Variants in ZC2HC1B observed in about 807,000 individuals in gnomAD.
The protein encoded by ZC2HC1B is zinc finger C2HC domain-containing protein 1B.
ZC2HC1B carries 36 observed loss-of-function variants against 31.0 expected under a neutral mutation model. The observed-to-expected ratio is 1.16, with a 90% CI of 0.89 to 1.54. The LOEUF is 1.54. ZC2HC1B is among the 40% of genes most tolerant of loss of function. ZC2HC1B has a pLI of 0.00. For synonymous variants in ZC2HC1B, 73 were observed against 88.0 expected (o/e 0.83, Z 0.95); for missense variants, 260 against 268.6 (o/e 0.97, Z 0.22).
chr6:143,893,812 A>G (rs1201075161), intron 4 of ZC2HC1B, among the ~76,000 whole-genome samples: 1 of 151,752 alleles, frequency 6.6e-6, no homozygotes, highest in Non-Finnish European at 1.5e-5. Context: ...TCAGCCTCCC[A>G]AGTAGCTGGG....
rs1777491263 is a variant in ZC2HC1B at position 143,883,286 on chromosome 6, G to A, written c.29-1018G>A. ...ATCCTTAGGCTCAAGCAATCCTCCT[G>A]CTTCAGCCTCCCATAGTGTTGGGAT... On this transcript the variant is annotated intron_variant, in intron 1 of 7. Transcript: ENST00000237275. The surrounding 1 kb of genome is among the most constrained non-coding windows in gnomAD (Gnocchi z 4.1). 2.0e-5 allele frequency among the ~76,000 whole-genome samples: 3 copies of A among 152,134 alleles called. No homozygotes were observed. The highest frequency in any genetic ancestry group is 4.4e-5 in the Non-Finnish European group (3 of 68,024).
rs1318786592 is a variant in ZC2HC1B, at chr6:143,913,687, C to A, written c.598+10535C>A. On this transcript the variant is annotated intron_variant, in intron 6 of 7. Transcript: ENST00000237275. This position sits in a 1 kb window ranked among gnomAD's most constrained non-coding sequence, Gnocchi z 5.7. ...AGATCCAAGGCTCTGGTGGCATAGG[C>A]TCACAAGGGGATCTCCTGATCCACA... 6.6e-6 allele frequency among the ~76,000 whole-genome samples: 1 copy of A among 152,202 alleles called. No homozygotes were observed. The highest frequency in any genetic ancestry group is 2.4e-5 in the African/African-American group (1 of 41,450).
rs1158321740 is a variant in ZC2HC1B, at chr6:143,885,591, A to G, written c.91-441A>G. Among the ~76,000 whole-genome samples the G allele has an allele frequency of 6.6e-6, 1 of 152,204 alleles. No individual in the cohort carries two copies. Among genetic ancestry groups the G allele is most frequent in the Non-Finnish European group, 1.5e-5 (1 of 68,028 alleles). On this transcript the variant is annotated intron_variant, in intron 2 of 7. Coordinates refer to ENST00000237275, the MANE Select transcript of ZC2HC1B (RefSeq NM_001013623.3). This position sits in a 1 kb window ranked among gnomAD's most constrained non-coding sequence, Gnocchi z 4.2. ...CAAAGCTACTGTGTCAATGATGGTTATTATGTGTCACACATCCACGAAGGG... is the reference window on the plus strand; with the variant it reads ...CAAAGCTACTGTGTCAATGATGGTTGTTATGTGTCACACATCCACGAAGGG...
At chr6:143,880,747 C>CA (rs1011069441) in intron 1 of ZC2HC1B, among the ~76,000 whole-genome samples, 39 of 145,410 alleles carry the variant, frequency 2.7e-4, no homozygotes, top group Admixed American at 5.5e-4. Context: ...ACTTTATTTA[C>CA]AAAAAAAAAA....
rs1411511431 is a variant in ZC2HC1B, at chr6:143,921,309, A to G, written c.599-16340A>G. 1.3e-5 allele frequency among the ~76,000 whole-genome samples: 2 copies of G among 152,220 alleles called. No homozygotes were observed. The highest frequency in any genetic ancestry group is 4.8e-5 in the African/African-American group (2 of 41,462). ...TATCACCATCTAATATTCAATATATATTTAACTCATTCGTCTCTCATGTAC... is the reference window on the plus strand; with the variant it reads ...TATCACCATCTAATATTCAATATATGTTTAACTCATTCGTCTCTCATGTAC... On this transcript the variant is annotated intron_variant, in intron 6 of 7. Transcript: ENST00000237275. The surrounding 1 kb of genome is among the most constrained non-coding windows in gnomAD (Gnocchi z 6.1).
intron 6 of ZC2HC1B, among the ~76,000 whole-genome samples, chr6:143,936,964 T>C (rs1778186296): frequency 6.6e-6 from 1 of 152,186 alleles, no homozygotes; most frequent in African/African-American, 2.4e-5. Flanking sequence ...TGATTCACAA[T>C]TTCCTTGTTA....
chr6:143,887,615 TA>T lies in ZC2HC1B; in HGVS notation c.349+795del, dbSNP rs1777545573. 6.6e-6 allele frequency among the ~76,000 whole-genome samples: 1 copy of T among 152,138 alleles called. No homozygotes were observed. The highest frequency in any genetic ancestry group is 2.1e-4 in the South Asian group (1 of 4,828). The stretch of plus-strand genomic sequence containing the variant: ...TACCTTTTGTTATCTCTTCGGTCTT[TA>T]TTAAATCTTGAACAATATCCCTACC... On this transcript the variant is annotated intron_variant, in intron 4 of 7. Transcript: ENST00000237275. This position sits in a 1 kb window ranked among gnomAD's most constrained non-coding sequence, Gnocchi z 5.1.
chr6:143,898,806 A>T, intron 5 of ZC2HC1B, 115 bp downstream of exon 5: 1 of 1,330,884 alleles, frequency 7.5e-7, no homozygotes, highest in Non-Finnish European at 1.0e-6. Context: ...GCGTGAAGAG[A>T]GCTGATCATG....
intron 4 of ZC2HC1B, among the ~76,000 whole-genome samples, chr6:143,892,014 T>C (rs1184393050): frequency 6.6e-6 from 1 of 152,198 alleles, no homozygotes; most frequent in Non-Finnish European, 1.5e-5. Flanking sequence ...GTAGAACAAC[T>C]GGATATCCAT....
intron 1 of ZC2HC1B, among the ~76,000 whole-genome samples, chr6:143,876,887 T>A (rs916102494): frequency 6.7e-6 from 1 of 150,366 alleles, no homozygotes; most frequent in African/African-American, 2.5e-5. Context: ...GATTAGATGG[T>A]GCCCACTGAG....
rs575771414 is a variant in ZC2HC1B at position 143,868,352 on chromosome 6, C to A, written c.28+3785C>A. ...CCGTCTGCAAGCTGAGGAGCAAGGA[C>A]AACCAGTACAGTGCCAAAACTGAAG... On this transcript the variant is annotated intron_variant, in intron 1 of 7. Transcript: ENST00000237275. This position sits in a 1 kb window ranked among gnomAD's most constrained non-coding sequence, Gnocchi z 4.2. Among the ~76,000 whole-genome samples the A allele has an allele frequency of 1.4e-3, 213 of 152,296 alleles. No homozygotes were observed. Among genetic ancestry groups the A allele is most frequent in the African/African-American group, 4.8e-3 (201 of 41,570 alleles).
chr6:143,919,217 CTGTGTGTGTGTGTGTGTGTGTGTG>C (rs71024878), intron 6 of ZC2HC1B, among the ~76,000 whole-genome samples: 1,948 of 123,694 alleles, frequency 0.016, 23 homozygotes, highest in Non-Finnish European at 0.024. Context: ...TTGCTATTCT[CTGTGTGTGTGTGTGTGTGTGTGTG>C]TGTGTGTGTG....
intron 4 of ZC2HC1B, among the ~76,000 whole-genome samples, chr6:143,894,536 A>C (rs1777640333): frequency 6.6e-6 from 1 of 152,264 alleles, no homozygotes; most frequent in South Asian, 2.1e-4. Context: ...GTCATACTAT[A>C]AAATCATCTG....
chr6:143,919,456 G>A (rs1180183549), intron 6 of ZC2HC1B, among the ~76,000 whole-genome samples: 1 of 152,126 alleles, frequency 6.6e-6, no homozygotes, highest in Non-Finnish European at 1.5e-5. Context: ...AAAAATAAAA[G>A]GAGAGAAGGG....
intron 1 of ZC2HC1B, among the ~76,000 whole-genome samples, chr6:143,874,157 G>T (rs1326059284): frequency 6.6e-6 from 1 of 152,036 alleles, no homozygotes; most frequent in Non-Finnish European, 1.5e-5. Flanking sequence ...TCTAGGGCGG[G>T]GCGAAATGCC....
At chr6:143,912,706 G>A (rs1230810882) in intron 6 of ZC2HC1B, among the ~76,000 whole-genome samples, 1 of 152,202 alleles carries the variant, frequency 6.6e-6, no homozygotes, top group Admixed American at 6.5e-5. Flanking sequence ...CTGTTGGGGG[G>A]TCTTACCCAG....
At chr6:143,914,746 C>T (rs911736325) in intron 6 of ZC2HC1B, among the ~76,000 whole-genome samples, 15 of 151,968 alleles carry the variant, frequency 9.9e-5, no homozygotes, top group African/African-American at 3.6e-4. Flanking sequence ...CAGTAGGTTC[C>T]TCTTTGTGTC....
At chr6:143,919,440 A>G (rs533010123) in intron 6 of ZC2HC1B, among the ~76,000 whole-genome samples, 7 of 152,276 alleles carry the variant, frequency 4.6e-5, no homozygotes, top group African/African-American at 1.4e-4. Flanking sequence ...AAAAGGGAGA[A>G]AAGACAAAAA....
intron 6 of ZC2HC1B, among the ~76,000 whole-genome samples, chr6:143,906,526 C>T (rs920469891): frequency 2.6e-5 from 4 of 152,076 alleles, no homozygotes; most frequent in Non-Finnish European, 5.9e-5. Flanking sequence ...TCACTGCAAC[C>T]TCCACCTCCT....
Sources: gnomAD v4.1 joint callset for allele counts (sites outside exome capture counted in the v4.1 genomes callset) on GRCh38, gnomAD v4.1.1 for gene constraint, Gnocchi (gnomAD v3.1) non-coding constraint, MANE v1.5 for transcripts, NCBI Gene and HGNC (gene_info 2026-07-23, HGNC 2026-07-21) for gene names.